The following NEGR1 variants were observed in gnomAD, a reference collection of about 807,000 sequenced individuals.
NEGR1 encodes neuronal growth regulator 1.
In NEGR1, 10 loss-of-function variants were observed where a neutral mutation model predicts 40.9. That is an observed-to-expected ratio of 0.24 (90% CI 0.15 to 0.42). The LOEUF (loss-of-function observed/expected upper bound fraction) is 0.42, where lower values mean the gene tolerates loss of function less well. Ranked by LOEUF, NEGR1 falls within the 10% of genes least tolerant of loss-of-function variation. The pLI is 1.00. For missense variants in NEGR1, 352 were observed against 438.9 expected, an observed-to-expected ratio of 0.80 and a Z score of 1.77; for synonymous variants, 185 against 166.8, an observed-to-expected ratio of 1.11 and a Z score of -0.84.
chr1:71,505,002 A>G (rs1411625662), intron 6 of NEGR1, among the ~76,000 whole-genome samples: 3 of 152,164 alleles, frequency 2.0e-5, no homozygotes, highest in African/African-American at 7.2e-5. Flanking sequence ...GGAGGGTTAA[A>G]AATCACACCC....
At chr1:72,174,958 T>C (rs1374722498) in intron 1 of NEGR1, among the ~76,000 whole-genome samples, 1 of 151,248 alleles carries the variant, frequency 6.6e-6, no homozygotes, top group Non-Finnish European at 1.5e-5. Context: ...ATTTTCTTTT[T>C]ATTTTATTTT....
chr1:71,735,096 C>G (rs1394997746), intron 3 of NEGR1, among the ~76,000 whole-genome samples: 1 of 152,056 alleles, frequency 6.6e-6, no homozygotes, highest in Non-Finnish European at 1.5e-5. Flanking sequence ...TTTTCAGTTA[C>G]CAGTTACATC....
At chr1:71,690,936 AT>A (rs968687925) in intron 4 of NEGR1, among the ~76,000 whole-genome samples, 5 of 151,948 alleles carry the variant, frequency 3.3e-5, no homozygotes, top group Non-Finnish European at 7.4e-5. Context: ...AAATTGTTTT[AT>A]TTTTCACTTT....
chr1:71,854,488 C>T (rs1353567931), intron 2 of NEGR1, among the ~76,000 whole-genome samples: 1 of 152,000 alleles, frequency 6.6e-6, no homozygotes, highest in African/African-American at 2.4e-5. Context: ...AGATTGAACT[C>T]AATACTGTAA....
At chr1:71,928,742 T>C (rs1357848492) in intron 2 of NEGR1, among the ~76,000 whole-genome samples, 4 of 151,948 alleles carry the variant, frequency 2.6e-5, no homozygotes, top group Non-Finnish European at 5.9e-5. Context: ...TGCAATGTTC[T>C]TAGGCCTAGT....
chr1:72,224,002 C>T (rs1654095828), intron 1 of NEGR1, among the ~76,000 whole-genome samples: 1 of 152,140 alleles, frequency 6.6e-6, no homozygotes, highest in Non-Finnish European at 1.5e-5. Flanking sequence ...ATCAACTCAT[C>T]TTCACAGTAA....
At chr1:71,957,282 C>CA (rs1354139586) in intron 1 of NEGR1, among the ~76,000 whole-genome samples, 39 of 152,188 alleles carry the variant, frequency 2.6e-4, no homozygotes, top group African/African-American at 9.4e-4. Context: ...CCAGTAGCTA[C>CA]AGCACTAGAA....
At chr1:71,521,921 T>C (rs1005388856) in intron 6 of NEGR1, among the ~76,000 whole-genome samples, 5 of 151,980 alleles carry the variant, frequency 3.3e-5, no homozygotes, top group African/African-American at 1.2e-4. Context: ...GATTTGTACA[T>C]ATTAATATTT....
intron 3 of NEGR1, among the ~76,000 whole-genome samples, chr1:71,700,954 T>C (rs915183546): frequency 3.9e-5 from 6 of 151,958 alleles, no homozygotes; most frequent in African/African-American, 1.4e-4. Context: ...ATTTTGAATA[T>C]GGAGGAAGTA....
chr1:71,610,520 G>A (rs1650217565), intron 5 of NEGR1, among the ~76,000 whole-genome samples: 1 of 152,184 alleles, frequency 6.6e-6, no homozygotes. Flanking sequence ...CTTTAGGCAT[G>A]TATTTTATCT....
At chr1:72,104,608 T>C (rs745324647) in intron 1 of NEGR1, among the ~76,000 whole-genome samples, 4 of 152,148 alleles carry the variant, frequency 2.6e-5, no homozygotes, top group African/African-American at 9.7e-5. Context: ...TAAAAGAAAA[T>C]GTAATTGTAG....
At position 71,779,365 on chromosome 1, in the gene NEGR1, G is replaced by A. The variant is rs551719757; in HGVS notation, c.410-3068C>T. Among the ~76,000 whole-genome samples the A allele has an allele frequency of 7.2e-5, 11 of 152,254 alleles. No individual in the cohort carries two copies. The South Asian group carries it at 2.1e-3, about 29-fold the overall frequency. Reference sequence around the variant, plus strand: ...AAATTTAAATTAAAAGACAGAAGCGGATAGGTAAGTAACTAAGAGAGGGCA... The same window carrying A: ...AAATTTAAATTAAAAGACAGAAGCGAATAGGTAAGTAACTAAGAGAGGGCA... On this transcript the variant is annotated intron_variant, in intron 2 of 6. Transcript: ENST00000357731.
chr1:71,879,359 G>T (rs922482786), intron 2 of NEGR1, among the ~76,000 whole-genome samples: 1 of 152,116 alleles, frequency 6.6e-6, no homozygotes, highest in African/African-American at 2.4e-5. Flanking sequence ...TTAGTGGCCT[G>T]CAGATAATTT....
At chr1:72,004,213 C>CAT (rs751048680) in intron 1 of NEGR1, among the ~76,000 whole-genome samples, 42 of 151,332 alleles carry the variant, frequency 2.8e-4, no homozygotes, top group South Asian at 2.1e-4. Context: ...CACATGCGTA[C>CAT]ATATATATAT....
In NEGR1 at chr1:72,109,921, C is replaced by T. The variant is rs1045104627; in HGVS notation, c.176+172398G>A. 2.0e-5 allele frequency among the ~76,000 whole-genome samples: 3 copies of T among 151,482 alleles called. 1 individual carries two copies. In the South Asian group the frequency reaches 6.2e-4, roughly 31 times the overall value. On this transcript the variant is annotated intron_variant, in intron 1 of 6. Coordinates refer to ENST00000357731, the MANE Select transcript of NEGR1 (RefSeq NM_173808.3). ...ATTAAACCTTCTTACTCAGTTTGTT[C>T]CCCCCATCAAGCATGTAGATAACAG...
At chr1:71,456,990 T>A (rs148958319) in intron 6 of NEGR1, among the ~76,000 whole-genome samples, 14 of 152,290 alleles carry the variant, frequency 9.2e-5, no homozygotes, top group African/African-American at 3.4e-4. Flanking sequence ...GTGGTTGTTG[T>A]TTACTCTTTG....
intron 3 of NEGR1, among the ~76,000 whole-genome samples, chr1:71,725,063 CTG>C (rs2101657465): frequency 6.6e-6 from 1 of 152,222 alleles, no homozygotes; most frequent in African/African-American, 2.4e-5. Flanking sequence ...GTTTTCCAAA[CTG>C]TTTCATATAT....
At chr1:71,812,020 C>A (rs1405027730) in intron 2 of NEGR1, among the ~76,000 whole-genome samples, 2 of 151,844 alleles carry the variant, frequency 1.3e-5, no homozygotes, top group Non-Finnish European at 2.9e-5. Flanking sequence ...GCCCCACATG[C>A]ATTAGCTATT....
intron 6 of NEGR1, among the ~76,000 whole-genome samples, chr1:71,452,355 T>A (rs1646635187): frequency 6.6e-6 from 1 of 152,210 alleles, no homozygotes; most frequent in Admixed American, 6.5e-5. Flanking sequence ...AAAGTAGTAA[T>A]CTACATTGCT....
Sources: allele counts gnomAD v4.1 joint callset (sites outside exome capture counted in the v4.1 genomes callset), GRCh38; gene constraint gnomAD v4.1.1; transcripts MANE v1.5; gene names NCBI Gene and HGNC (gene_info 2026-07-23, HGNC 2026-07-21).